Variants in RALY observed in about 807,000 individuals in gnomAD.
RALY encodes the protein RNA-binding protein Raly.
In RALY, 15 loss-of-function variants were observed where a neutral mutation model predicts 30.7. The ratio of observed to expected loss-of-function variants is 0.49; its 90% confidence interval spans 0.33 to 0.75. RALY has a LOEUF of 0.75. Ranked by LOEUF, RALY falls within the 30% of genes least tolerant of loss-of-function variation. The probability of loss-of-function intolerance (pLI) is 0.02; values close to 1 mark genes in which losing one functional copy is unlikely to be tolerated. For missense variants in RALY, 339 were observed against 414.3 expected (o/e 0.82, Z 1.58); for synonymous variants, 177 against 170.8 (o/e 1.04, Z -0.28).
At chr20:34,012,529 G>A (rs938266008) in intron 1 of RALY, among the ~76,000 whole-genome samples, 2 of 151,506 alleles carry the variant, frequency 1.3e-5, no homozygotes, top group African/African-American at 4.9e-5. Flanking sequence ...TCCCCCACCC[G>A]CCATCCTTTG....
chr20:34,070,360 C>T (rs932047380), intron 2 of RALY, among the ~76,000 whole-genome samples: 4 of 152,148 alleles, frequency 2.6e-5, no homozygotes, highest in African/African-American at 9.7e-5. Context: ...GAGCTTCTCT[C>T]CTTTCCCCTT....
At chr20:34,023,574 C>T (rs1001344750) in intron 1 of RALY, among the ~76,000 whole-genome samples, 7 of 151,882 alleles carry the variant, frequency 4.6e-5, no homozygotes, top group African/African-American at 1.7e-4. Context: ...GGCTTTAGTT[C>T]GAGGGGGTGG....
intron 1 of RALY, among the ~76,000 whole-genome samples, chr20:33,994,514 G>T (rs1040205054): frequency 6.6e-6 from 1 of 152,244 alleles, no homozygotes; most frequent in South Asian, 2.1e-4. Context: ...AGGCTGCTCC[G>T]GGGAGGCCGC....
At chr20:34,013,984 T>C (rs1470040304) in intron 1 of RALY, among the ~76,000 whole-genome samples, 3 of 152,144 alleles carry the variant, frequency 2.0e-5, no homozygotes, top group East Asian at 3.8e-4. Flanking sequence ...GACTTGAGGG[T>C]CTCTGTTTTG....
At chr20:34,015,448 A>G (rs2123033082) in intron 1 of RALY, among the ~76,000 whole-genome samples, 1 of 152,226 alleles carries the variant, frequency 6.6e-6, no homozygotes, top group Non-Finnish European at 1.5e-5. Context: ...TAGGTAACCC[A>G]AGAAATCCAA....
intron 1 of RALY, among the ~76,000 whole-genome samples, chr20:34,025,225 A>C (rs1365728385): frequency 1.3e-5 from 2 of 152,006 alleles, no homozygotes; most frequent in Non-Finnish European, 2.9e-5. Context: ...TTGCCACCCC[A>C]GAGGCCTAGA....
chr20:34,078,317 C>T (rs371768490), intron 8 of RALY, among the ~76,000 whole-genome samples, 188 bp from the exon 9 acceptor site: 1 of 152,216 alleles, frequency 6.6e-6, no homozygotes, highest in African/African-American at 2.4e-5. Context: ...CTCAGACCAC[C>T]CTTCCAAGTT....
chr20:34,062,260 C>A (rs1198456844), intron 2 of RALY, among the ~76,000 whole-genome samples: 1 of 152,202 alleles, frequency 6.6e-6, no homozygotes, highest in Admixed American at 6.5e-5. Context: ...CTTTTACTCT[C>A]TACTTTCTCT....
chr20:34,037,875 CAGTGTAA>C (rs1480427402), intron 2 of RALY, among the ~76,000 whole-genome samples: 2 of 152,092 alleles, frequency 1.3e-5, no homozygotes, highest in African/African-American at 4.8e-5. Flanking sequence ...CATTGTCTGC[CAGTGTAA>C]TCATCAGATG....
rs557567064 is a variant in RALY at position 34,055,633 on chromosome 20, C to CA, written c.-9-16432dup. Among the ~76,000 whole-genome samples the CA allele has an allele frequency of 1.7e-4, 26 of 152,328 alleles. 1 individual carries two copies. The East Asian group carries it at 5.0e-3, about 29-fold the overall frequency. ...TCTGGGAGGAGAGATGACACTGAAA[C>CA]AGAGTATTTTAATACAATCTCCTCA... is the stretch of plus-strand genomic sequence containing the variant. On this transcript the variant is annotated intron_variant, in intron 2 of 9. Transcript: ENST00000246194.
intron 1 of RALY, among the ~76,000 whole-genome samples, chr20:34,007,163 A>G (rs1162727408): frequency 2.0e-5 from 3 of 152,178 alleles, no homozygotes; most frequent in Non-Finnish European, 4.4e-5. Context: ...GGATTTGAAC[A>G]CAGGCCTACT....
chr20:34,001,994 C>T (rs1342571840), intron 1 of RALY, among the ~76,000 whole-genome samples: 1 of 152,152 alleles, frequency 6.6e-6, no homozygotes, highest in Non-Finnish European at 1.5e-5. Flanking sequence ...GTCTCGATCT[C>T]CTGACCTGGT....
intron 1 of RALY, among the ~76,000 whole-genome samples, chr20:34,023,832 T>C (rs1343565478): frequency 2.6e-5 from 4 of 151,896 alleles, no homozygotes; most frequent in Admixed American, 6.6e-5. Context: ...TAGAATAACT[T>C]TGGAGGGGAC....
At chr20:34,036,189 A>T (rs891713276) in intron 2 of RALY, among the ~76,000 whole-genome samples, 3 of 152,130 alleles carry the variant, frequency 2.0e-5, no homozygotes, top group African/African-American at 7.2e-5. Context: ...GATCTCTAGT[A>T]CAGCGTTGAA....
At chr20:34,023,151 A>G (rs1457824109) in intron 1 of RALY, among the ~76,000 whole-genome samples, 1 of 152,194 alleles carries the variant, frequency 6.6e-6, no homozygotes, top group Non-Finnish European at 1.5e-5. Context: ...GCCAGGCACT[A>G]GTCTAGGCAG....
At chr20:34,031,798 A>G (rs1297126193) in intron 2 of RALY, among the ~76,000 whole-genome samples, 194 bp downstream of exon 2, 3 of 152,232 alleles carry the variant, frequency 2.0e-5, no homozygotes, top group Non-Finnish European at 4.4e-5. Context: ...TAGAATTGCC[A>G]CAAGAATGTC....
At chr20:34,006,933 TG>T (rs1262837894) in intron 1 of RALY, among the ~76,000 whole-genome samples, 3 of 152,232 alleles carry the variant, frequency 2.0e-5, no homozygotes, top group African/African-American at 4.8e-5. Flanking sequence ...AGAAGCTGGA[TG>T]TTTTTTTCTA....
At position 34,077,090 on chromosome 20, in the gene RALY, GGCGGTGGCA is replaced by G. The variant is rs761872904; in HGVS notation, c.723_731del (p.Ser244_Gly246del). On this transcript the variant is annotated inframe_deletion, in exon 8 of 10. Transcript: ENST00000246194. ...CGGCGGCGGTGGTGGTGGCAGCGGT[GGCGGTGGCA>G]GTGGTGGTGGCGGTGGCGGTGGCAG... 6 of 1,604,906 alleles carry G rather than the reference GGCGGTGGCA, an allele frequency of 3.7e-6. No individual in the cohort carries two copies. The highest frequency in any genetic ancestry group is 1.7e-5 in the Admixed American group (1 of 59,262).
At chr20:34,041,629 A>G (rs181627502) in intron 2 of RALY, among the ~76,000 whole-genome samples, 9 of 152,010 alleles carry the variant, frequency 5.9e-5, no homozygotes, top group Admixed American at 2.0e-4. Flanking sequence ...ACTTATTTCA[A>G]CCCCTTATAG....
Sources: allele counts gnomAD v4.1 joint callset (sites outside exome capture counted in the v4.1 genomes callset), GRCh38; gene constraint gnomAD v4.1.1; transcripts MANE v1.5; gene names NCBI Gene and HGNC (gene_info 2026-07-23, HGNC 2026-07-21).